The following STXBP5L variants were observed in gnomAD, a reference collection of about 807,000 sequenced individuals.
STXBP5L encodes syntaxin-binding protein 5-like.
Under a neutral mutation model 144.5 loss-of-function variants are expected in STXBP5L, and 65 were observed. That is an observed-to-expected ratio of 0.45 (90% CI 0.37 to 0.55). The LOEUF (loss-of-function observed/expected upper bound fraction) is 0.55. Among genes scored for constraint, STXBP5L ranks in the 20% least tolerant of loss-of-function variants. STXBP5L has a pLI of 0.00. For missense variants in STXBP5L, 1,298 were observed against 1,405.5 expected, an observed-to-expected ratio of 0.92 and a Z score of 1.22; for synonymous variants, 505 against 469.6, an observed-to-expected ratio of 1.08 and a Z score of -0.97.
At chr3:121,074,875 T>G (rs1300542534) in intron 5 of STXBP5L, among the ~76,000 whole-genome samples, 1 of 152,214 alleles carries the variant, frequency 6.6e-6, no homozygotes. Context: ...CCTGCTGTCC[T>G]CCAATCACAC....
Position 121,391,025 on chromosome 3 carries a change from A to C in STXBP5L, c.2587+9493A>C, listed in dbSNP as rs566647705. Among the ~76,000 whole-genome samples, 3 of 152,304 alleles carry C rather than the reference A, an allele frequency of 2.0e-5. No homozygotes were observed. The South Asian group carries it at 6.2e-4, about 32-fold the overall frequency. On this transcript the variant is annotated intron_variant, in intron 22 of 26. Transcript: ENST00000471454. ...CCCATCACTTTCAGGTACACCAATC[A>C]GACGTAAATTTGGTATTTTCACATA...
intron 3 of STXBP5L, among the ~76,000 whole-genome samples, chr3:121,035,509 A>G (rs554208616): frequency 6.6e-6 from 1 of 152,242 alleles, no homozygotes; most frequent in East Asian, 1.9e-4. Context: ...ATTAAGTATC[A>G]GTTGGGTGTA....
In STXBP5L at chr3:121,335,736, A is replaced by G. The variant is rs150954498; in HGVS notation, c.2176+17196A>G. ...GCTAAATGCAGAAGATTGAAGCTGG[A>G]TCCCTTCTTTACACCACATACGAAA... On this transcript the variant is annotated intron_variant, in intron 20 of 26. Coordinates refer to ENST00000471454, the MANE Select transcript of STXBP5L (RefSeq NM_001308330.2). Among the ~76,000 whole-genome samples, 280 of 152,314 alleles carry G rather than the reference A, an allele frequency of 1.8e-3. 2 individuals carry two copies. Among genetic ancestry groups the G allele is most frequent in the African/African-American group, 6.4e-3 (267 of 41,570 alleles).
At chr3:121,073,465 C>T (rs2041891603) in intron 5 of STXBP5L, among the ~76,000 whole-genome samples, 1 of 152,218 alleles carries the variant, frequency 6.6e-6, no homozygotes, top group Non-Finnish European at 1.5e-5. Context: ...CTGCCAATGC[C>T]TTGAAACAGG....
At position 121,318,542 on chromosome 3, in the gene STXBP5L, TA is replaced by T; in HGVS notation, c.2176+5del. On this transcript the variant is annotated splice_donor_region_variant and intron_variant, in intron 20 of 26. Coordinates refer to ENST00000471454, the MANE Select transcript of STXBP5L (RefSeq NM_001308330.2). ...AGCGCTGCAAGTCTCCTACCTCAGG[TA>T]AACATGAGTGGTATTTTGCAGACTT... The T allele has an allele frequency of 6.5e-7, 1 of 1,543,570 alleles. No individual in the cohort carries two copies. The highest frequency in any genetic ancestry group is 8.7e-7 in the Non-Finnish European group (1 of 1,143,612).
intron 5 of STXBP5L, among the ~76,000 whole-genome samples, chr3:121,103,442 A>G (rs1489826111): frequency 2.0e-5 from 3 of 152,162 alleles, no homozygotes. Flanking sequence ...CAGGAACAGA[A>G]AACCAAACAA....
intron 19 of STXBP5L, among the ~76,000 whole-genome samples, chr3:121,303,592 A>C (rs371855058): frequency 6.6e-6 from 1 of 152,190 alleles, no homozygotes; most frequent in African/African-American, 2.4e-5. Context: ...TGTTTACTGC[A>C]GCACTATTCA....
chr3:121,265,661 C>T (rs2050538026), intron 18 of STXBP5L, among the ~76,000 whole-genome samples: 1 of 151,954 alleles, frequency 6.6e-6, no homozygotes, highest in Non-Finnish European at 1.5e-5. Context: ...GAAAACCCTT[C>T]AGAAAATCAA....
intron 19 of STXBP5L, among the ~76,000 whole-genome samples, chr3:121,316,536 C>A (rs1320710451): frequency 6.6e-6 from 1 of 152,208 alleles, no homozygotes; most frequent in East Asian, 1.9e-4. Flanking sequence ...AATAGCCTTT[C>A]TTCCCCTGTT....
At chr3:121,392,783 A>ATATG (rs1220787697) in intron 22 of STXBP5L, among the ~76,000 whole-genome samples, 1 of 129,238 alleles carries the variant, frequency 7.7e-6, no homozygotes, top group African/African-American at 2.8e-5. Flanking sequence ...ATATATATAT[A>ATATG]TATATATATA....
intron 7 of STXBP5L, among the ~76,000 whole-genome samples, chr3:121,123,667 C>G (rs1159930794): frequency 6.6e-6 from 1 of 151,248 alleles, no homozygotes; most frequent in Non-Finnish European, 1.5e-5. Context: ...TTGTGTTGTT[C>G]AAATTTTTAT....
intron 19 of STXBP5L, among the ~76,000 whole-genome samples, chr3:121,306,071 C>T (rs2043328765): frequency 6.6e-6 from 1 of 152,102 alleles, no homozygotes; most frequent in Non-Finnish European, 1.5e-5. Context: ...AGACTTATTC[C>T]TGAGTGGAAG....
rs1245990016 is a variant in STXBP5L, at chr3:121,419,947, TAG to T, written c.*853_*854del. The T allele has an allele frequency of 2.6e-5, 4 of 152,194 alleles. No homozygotes were observed. Among genetic ancestry groups the T allele is most frequent in the Admixed American group, 6.5e-5 (1 of 15,282 alleles). 9.4% of individuals were successfully genotyped at this position (152,194 alleles called of 1,614,324 possible). ...AGGTGTGGGGAATCTATAGGAACAA[TAG>T]AGTTAGCTATGAGAACTGACTTCAC... is the stretch of plus-strand genomic sequence containing the variant. On this transcript the variant is annotated 3_prime_UTR_variant, in exon 27 of 27. Coordinates refer to ENST00000471454, the MANE Select transcript of STXBP5L (RefSeq NM_001308330.2).
intron 5 of STXBP5L, among the ~76,000 whole-genome samples, chr3:121,113,767 G>A (rs1287633774): frequency 1.3e-5 from 2 of 149,296 alleles, no homozygotes; most frequent in Non-Finnish European, 3.0e-5. Context: ...CTATCTCCTG[G>A]GTTCAAGTGA....
At chr3:120,997,539 A>G (rs1474722627) in intron 3 of STXBP5L, among the ~76,000 whole-genome samples, 1 of 152,034 alleles carries the variant, frequency 6.6e-6, no homozygotes, top group Non-Finnish European at 1.5e-5. Context: ...ATGATTGAAC[A>G]TTTTTTCATA....
At position 120,944,690 on chromosome 3, in the gene STXBP5L, G is replaced by A. The variant is rs568027250; in HGVS notation, c.190-10250G>A. 2.0e-5 allele frequency among the ~76,000 whole-genome samples: 3 copies of A among 151,836 alleles called. No individual in the cohort carries two copies. In the East Asian group the frequency reaches 5.8e-4, roughly 29 times the overall value. On this transcript the variant is annotated intron_variant, in intron 2 of 26. Coordinates refer to ENST00000471454, the MANE Select transcript of STXBP5L (RefSeq NM_001308330.2). ...CGTGAGCAGGTAATTTGCCACTCTT[G>A]TGCATACAGAACAATCTTACTTTTT...
intron 7 of STXBP5L, among the ~76,000 whole-genome samples, chr3:121,139,772 G>A (rs2045415748): frequency 6.6e-6 from 1 of 151,974 alleles, no homozygotes; most frequent in African/African-American, 2.4e-5. Flanking sequence ...CAATGCAAAG[G>A]AAACCGTACT....
chr3:121,123,818 CT>C (rs2044583678), intron 7 of STXBP5L, among the ~76,000 whole-genome samples: 1 of 151,724 alleles, frequency 6.6e-6, no homozygotes, highest in South Asian at 2.1e-4. Context: ...CACTTTACTT[CT>C]TGTATATCAG....
chr3:121,216,856 G>T (rs1251484127), intron 10 of STXBP5L, among the ~76,000 whole-genome samples: 2 of 152,190 alleles, frequency 1.3e-5, no homozygotes. Context: ...TGGGGCTGCT[G>T]CCTGTCTTTC....
Sources: gnomAD v4.1 joint callset for allele counts (sites outside exome capture counted in the v4.1 genomes callset) on GRCh38, gnomAD v4.1.1 for gene constraint, MANE v1.5 for transcripts, NCBI Gene and HGNC (gene_info 2026-07-23, HGNC 2026-07-21) for gene names.